Variants in COL28A1 observed in about 807,000 individuals in gnomAD.
The protein encoded by COL28A1 is collagen type XXVIII alpha 1 chain.
Under a neutral mutation model 150.2 loss-of-function variants are expected in COL28A1, and 161 were observed. That is an observed-to-expected ratio of 1.07 (90% CI 0.94 to 1.22). The LOEUF is 1.22. COL28A1 is among the 50% of genes most tolerant of loss of function. The pLI, the probability that COL28A1 is intolerant of heterozygous loss-of-function variation, is 0.00. For missense variants in COL28A1, 1,617 were observed against 1,388.3 expected, an observed-to-expected ratio of 1.16 and a Z score of -2.62; for synonymous variants, 552 against 469.7, an observed-to-expected ratio of 1.18 and a Z score of -2.26.
At chr7:7,517,047 T>C (rs548985093) in intron 7 of COL28A1, among the ~76,000 whole-genome samples, 2 of 152,344 alleles carry the variant, frequency 1.3e-5, no homozygotes, top group East Asian at 3.9e-4. Flanking sequence ...TTTTACATAC[T>C]TGTATGCTTT....
In COL28A1 at chr7:7,507,141, TC is replaced by T; in HGVS notation, c.947del (p.Gly316AspfsTer122). ...KGDKGSPGPY[G>X]PKGPRGIQGI... is the part of the protein sequence containing the mutation. ...CCTGAATTCCTCTGGGTCCCTTTGG[TC>T]CATATGGCCCTGGGGATCCCTGTGG... On this transcript the variant is annotated frameshift_variant, in exon 10 of 35. Coordinates refer to ENST00000399429, the MANE Select transcript of COL28A1 (RefSeq NM_001037763.3). LOFTEE classifies it high-confidence loss of function. 3.9e-6 allele frequency: 5 copies of T among 1,287,156 alleles called. No homozygotes were observed. The highest frequency in any genetic ancestry group is 5.7e-6 in the Non-Finnish European group (5 of 883,196). 79.7% of individuals were successfully genotyped at this position (1,287,156 alleles called of 1,614,324 possible).
At chr7:7,392,619 C>T (rs947724018) in intron 27 of COL28A1, among the ~76,000 whole-genome samples, 2 of 151,858 alleles carry the variant, frequency 1.3e-5, no homozygotes, top group South Asian at 4.2e-4. Flanking sequence ...ACCAATCAAA[C>T]GTAGGTTTGG....
intron 15 of COL28A1, among the ~76,000 whole-genome samples, chr7:7,460,540 C>T (rs559933655): frequency 9.0e-4 from 137 of 152,206 alleles, no homozygotes; most frequent in African/African-American, 2.9e-3. Flanking sequence ...CCTGCCACCA[C>T]GCCCGGCTAA....
intron 27 of COL28A1, among the ~76,000 whole-genome samples, chr7:7,398,231 C>T (rs1782959142): frequency 6.6e-6 from 1 of 152,198 alleles, no homozygotes; most frequent in East Asian, 1.9e-4. Flanking sequence ...CAAACAGAAT[C>T]TAACAAATAA....
At position 7,511,194 on chromosome 7, in the gene COL28A1, A is replaced by ATGTT. The variant is rs200099162; in HGVS notation, c.883-63_883-60dup. The ATGTT allele has an allele frequency of 9.0e-3, 12,080 of 1,341,096 alleles. 178 individuals are homozygous for ATGTT. The highest frequency in any genetic ancestry group is 0.046 in the African/African-American group (3,137 of 68,354). 83.1% of individuals were successfully genotyped at this position (1,341,096 alleles called of 1,614,324 possible). A position where few individuals can be genotyped will look rare whatever the true frequency, so the allele number is the denominator to read the frequency against. On this transcript the variant is annotated intron_variant, in intron 8 of 34. Coordinates refer to ENST00000399429, the MANE Select transcript of COL28A1 (RefSeq NM_001037763.3). The stretch of plus-strand genomic sequence containing the variant: ...CACTTGCAGTCATTCACTATTAAGA[A>ATGTT]TGTTTGTTTGTTTGTTTTTTAAATT...
chr7:7,381,482 G>C (rs1252459352), intron 28 of COL28A1, 62 bp downstream of exon 28: 1 of 1,214,772 alleles, frequency 8.2e-7, no homozygotes, highest in Admixed American at 1.8e-5. Context: ...TTCTTCCAAA[G>C]TTAAAGTTAA....
At chr7:7,469,605 A>T (rs1788261564) in intron 15 of COL28A1, among the ~76,000 whole-genome samples, 1 of 98,180 alleles carries the variant, frequency 1.0e-5, no homozygotes, top group Admixed American at 1.2e-4. Context: ...ATTGGAAAAA[A>T]CTACTTTAAA....
chr7:7,437,306 TA>T, intron 22 of COL28A1, 87 bp downstream of exon 22: 1 of 1,493,944 alleles, frequency 6.7e-7, no homozygotes, highest in Non-Finnish European at 8.9e-7. Flanking sequence ...CTTCCAAAAC[TA>T]AAATTCTAGT....
At chr7:7,447,161 T>C (rs765260152) in intron 18 of COL28A1, among the ~76,000 whole-genome samples, 1 of 152,022 alleles carries the variant, frequency 6.6e-6, no homozygotes, top group Non-Finnish European at 1.5e-5. Context: ...CTAATAAAAC[T>C]TAAAAGCAAG....
In COL28A1 at chr7:7,437,445, C is replaced by T. The variant is rs1418059230; in HGVS notation, c.1740G>A (p.Met580Ile). 6.2e-7 allele frequency: 1 copy of T among 1,613,594 alleles called. No individual in the cohort carries two copies. Among genetic ancestry groups the T allele is most frequent in the South Asian group, 1.1e-5 (1 of 91,000 alleles). ...ATGTTCCAGGCATTCCAAAAGGGCC[C>T]ATAATGCCCGGTTCACCCTTAAAAA... Reference protein sequence around the residue: ...PEGPKGEPGIMGPFGMPGTSI... With the variant: ...PEGPKGEPGIIGPFGMPGTSI... The change falls in exon 22 of 35, where the codon ATG becomes ATA. Residue 580 changes from methionine to isoleucine, a missense_variant. Physicochemically the swap from Met to Ile is conservative, Grantham distance 10. Transcript: ENST00000399429.
chr7:7,343,308 C>T, the COL28A1 span, among the ~76,000 whole-genome samples: 1 of 151,798 alleles, frequency 6.6e-6, no homozygotes, highest in African/African-American at 2.4e-5. Context: ...TGCCTCATGC[C>T]CCCTTTTTTC....
intron 11 of COL28A1, among the ~76,000 whole-genome samples, chr7:7,500,753 T>C (rs1424655835): frequency 1.3e-5 from 2 of 152,222 alleles, no homozygotes; most frequent in Non-Finnish European, 2.9e-5. Context: ...TAGCTCTTGT[T>C]TACTGAATCT....
chr7:7,362,989 G>T (rs1337660752), intron 33 of COL28A1, among the ~76,000 whole-genome samples: 1 of 152,026 alleles, frequency 6.6e-6, no homozygotes, highest in Admixed American at 6.5e-5. Flanking sequence ...TTCTACTGGG[G>T]GGAATACAAA....
At chr7:7,395,577 A>G (rs1782790282) in intron 27 of COL28A1, among the ~76,000 whole-genome samples, 1 of 152,198 alleles carries the variant, frequency 6.6e-6, no homozygotes, top group Non-Finnish European at 1.5e-5. Flanking sequence ...ACCTGGTTAC[A>G]CATTACAAAC....
In COL28A1 at chr7:7,531,505, G is replaced by A. The variant is rs1163895893; in HGVS notation, c.524C>T (p.Ser175Phe). The A allele has an allele frequency of 6.2e-7, 1 of 1,611,786 alleles. No individual in the cohort carries two copies. ...TATTCCTGAAATTCTGGCATCTTCAGAAATACTTTGAACATCTGGATTCTT... is the reference window on the plus strand; with the variant it reads ...TATTCCTGAAATTCTGGCATCTTCAAAAATACTTTGAACATCTGGATTCTT... ...HPKNPDVQSISEDARISGISF... is the reference protein window; with the variant it reads ...HPKNPDVQSIFEDARISGISF... The change falls in exon 3 of 35, where the codon TCT (serine) becomes TTT (phenylalanine). Residue 175 changes from serine (S) to phenylalanine (F), a missense_variant. Ser to Phe is a radical substitution (Grantham distance 155). Coordinates refer to ENST00000399429, the MANE Select transcript of COL28A1 (RefSeq NM_001037763.3).
chr7:7,435,924 C>T lies in COL28A1; in HGVS notation c.1860+471G>A, dbSNP rs147498225. On this transcript the variant is annotated intron_variant, in intron 23 of 34. Transcript: ENST00000399429. ...AGTGTGAGGAGGAAAAATGGTGCTT[C>T]GTTGCCATGAAAAACCAGATATGAT... Among the ~76,000 whole-genome samples the T allele has an allele frequency of 3.0e-4, 46 of 152,278 alleles. 1 individual carries two copies. In the East Asian group the frequency reaches 7.5e-3, roughly 25 times the overall value.
At chr7:7,457,079 G>C (rs1421170808) in intron 15 of COL28A1, among the ~76,000 whole-genome samples, 1 of 152,198 alleles carries the variant, frequency 6.6e-6, no homozygotes, top group Non-Finnish European at 1.5e-5. Context: ...GAGAGCGGTA[G>C]ACAATGAAGT....
downstream of COL28A1, among the ~76,000 whole-genome samples, chr7:7,353,173 G>A (rs1342513167): frequency 6.6e-6 from 1 of 152,104 alleles, no homozygotes; most frequent in Admixed American, 6.6e-5. Flanking sequence ...GTAACTATAG[G>A]TCTACAATCC....
At chr7:7,496,523 C>G (rs998669966) in intron 11 of COL28A1, among the ~76,000 whole-genome samples, 2 of 151,918 alleles carry the variant, frequency 1.3e-5, no homozygotes, top group Non-Finnish European at 2.9e-5. Flanking sequence ...CACAATTTCT[C>G]CTACCAATTC....
Sources: allele counts gnomAD v4.1 joint callset (sites outside exome capture counted in the v4.1 genomes callset), GRCh38; gene constraint gnomAD v4.1.1; transcripts MANE v1.5; gene names NCBI Gene and HGNC (gene_info 2026-07-23, HGNC 2026-07-21).